Variants in WWOX observed in about 807,000 individuals in gnomAD.
The protein encoded by WWOX is WW domain-containing oxidoreductase.
A neutral mutation model predicts 46.2 loss-of-function variants in WWOX; 69 were observed. The ratio of observed to expected loss-of-function variants is 1.49; its 90% CI spans 1.23 to 1.82. The LOEUF is 1.82. Ranked by LOEUF, WWOX falls within the 40% of genes most tolerant of loss-of-function variation. WWOX has a pLI of 0.00. For synonymous variants in WWOX, 359 were observed against 202.6 expected (o/e 1.77, Z -6.56); for missense variants, 919 against 542.6 (o/e 1.69, Z -6.89).
chr16:78,402,298 C>T (rs150148334), intron 6 of WWOX, among the ~76,000 whole-genome samples: 1,545 of 152,108 alleles, frequency 0.01, 16 homozygotes, highest in African/African-American at 0.027. Flanking sequence ...TATGTTATTG[C>T]AAAAATCAGT....
At chr16:78,391,919 C>G (rs2082181508) in intron 6 of WWOX, among the ~76,000 whole-genome samples, 1 of 151,954 alleles carries the variant, frequency 6.6e-6, no homozygotes, top group Non-Finnish European at 1.5e-5. Context: ...TCCTCCCTCC[C>G]TCTTTCTCAT....
intron 8 of WWOX, among the ~76,000 whole-genome samples, chr16:78,937,284 C>A (rs905015241): frequency 6.6e-6 from 1 of 151,970 alleles, no homozygotes; most frequent in African/African-American, 2.4e-5. Context: ...AACTGTTTAC[C>A]CTGATTCTCC....
At chr16:78,738,923 A>G (rs552311667) in intron 8 of WWOX, among the ~76,000 whole-genome samples, 81 of 152,252 alleles carry the variant, frequency 5.3e-4, no homozygotes, top group African/African-American at 1.9e-3. Flanking sequence ...ATTTGCCTTC[A>G]TTGCTGGGGT....
At chr16:79,109,065 G>T (rs548847280) in intron 8 of WWOX, among the ~76,000 whole-genome samples, 91 of 152,126 alleles carry the variant, frequency 6.0e-4, no homozygotes, top group African/African-American at 1.6e-3. Flanking sequence ...CTTTGTGTCC[G>T]TGAGCATGTG....
At chr16:78,324,918 G>T (rs541276342) in intron 5 of WWOX, among the ~76,000 whole-genome samples, 8 of 152,292 alleles carry the variant, frequency 5.3e-5, no homozygotes, top group Middle Eastern at 3.4e-3. Context: ...GAATCGTATG[G>T]TATGTCAATT....
At chr16:78,257,613 A>G (rs560313774) in intron 5 of WWOX, among the ~76,000 whole-genome samples, 1 of 152,264 alleles carries the variant, frequency 6.6e-6, no homozygotes, top group Admixed American at 6.5e-5. Flanking sequence ...CGCAATTAAA[A>G]CCAAGGAATG....
At chr16:79,176,185 C>T (rs927983616) in intron 8 of WWOX, among the ~76,000 whole-genome samples, 2 of 152,158 alleles carry the variant, frequency 1.3e-5, no homozygotes, top group East Asian at 3.9e-4. Flanking sequence ...ATAGCTGAAA[C>T]CCCCAAAGGG....
intron 8 of WWOX, among the ~76,000 whole-genome samples, chr16:78,734,115 C>T (rs1007324569): frequency 2.0e-5 from 3 of 151,612 alleles, no homozygotes; most frequent in African/African-American, 7.3e-5. Context: ...TCTATTCATA[C>T]ACACACGTAA....
Position 78,318,272 on chromosome 16 carries a change from A to ATTTT in WWOX, c.517-68574_517-68571dup, listed in dbSNP as rs34730954. Among the ~76,000 whole-genome samples, 802 of 123,548 alleles carry ATTTT rather than the reference A, an allele frequency of 6.5e-3. 11 individuals are homozygous for ATTTT. Among genetic ancestry groups the ATTTT allele is most frequent in the African/African-American group, 0.023 (728 of 31,230 alleles). 81.1% of individuals were successfully genotyped at this position (123,548 alleles called of 152,430 possible). ...CTTAGGAGCCCTCCGTCTGGGAGGA[A>ATTTT]TTTTTTTTTTTTTTTTTGGTATATC... On this transcript the variant is annotated intron_variant, in intron 5 of 8. Coordinates refer to ENST00000566780, the MANE Select transcript of WWOX (RefSeq NM_016373.4).
At chr16:78,608,827 C>A (rs2045828493) in intron 8 of WWOX, among the ~76,000 whole-genome samples, 1 of 152,126 alleles carries the variant, frequency 6.6e-6, no homozygotes, top group Admixed American at 6.5e-5. Context: ...TTTATTTTTT[C>A]TAGCCTTTAT....
At chr16:78,512,657 C>A (rs1341367205) in intron 8 of WWOX, among the ~76,000 whole-genome samples, 1 of 152,158 alleles carries the variant, frequency 6.6e-6, no homozygotes, top group Non-Finnish European at 1.5e-5. Context: ...CTGGGTGGGA[C>A]TTCAATGAGA....
chr16:78,977,781 G>A (rs2046602666), intron 8 of WWOX, among the ~76,000 whole-genome samples: 1 of 152,042 alleles, frequency 6.6e-6, no homozygotes. Flanking sequence ...TCCCAAACAT[G>A]CACTCCCATC....
At chr16:78,284,804 T>G (rs532060102) in intron 5 of WWOX, among the ~76,000 whole-genome samples, 162 of 152,366 alleles carry the variant, frequency 1.1e-3, no homozygotes, top group African/African-American at 3.8e-3. Context: ...TTACAAAGCT[T>G]GGTCCTAACA....
rs561358329 is a variant in WWOX at position 78,407,342 on chromosome 16, G to A, written c.606-17528G>A. ...AGATGGTGTGACATTCTGCTTCCAG[G>A]AGGGATTGGAAAGTATTTCCTTTTA... On this transcript the variant is annotated intron_variant, in intron 6 of 8. Transcript: ENST00000566780. Among the ~76,000 whole-genome samples the A allele has an allele frequency of 2.6e-5, 4 of 152,260 alleles. No individual in the cohort carries two copies. The South Asian group carries it at 6.2e-4, about 24-fold the overall frequency.
rs569519018 is a variant in WWOX at position 78,980,707 on chromosome 16, C to T, written c.1057-230901C>T. The stretch of plus-strand genomic sequence containing the variant: ...CAGAACTTTGACCTTGAAAGGGGAC[C>T]CGGATCAGCTCCATTCTCCCAAGGA... On this transcript the variant is annotated intron_variant, in intron 8 of 8. Transcript: ENST00000566780. Among the ~76,000 whole-genome samples the T allele has an allele frequency of 5.9e-5, 9 of 152,238 alleles. No homozygotes were observed. In the South Asian group the frequency reaches 1.7e-3, roughly 28 times the overall value.
At chr16:78,292,092 A>G (rs1778426340) in intron 5 of WWOX, among the ~76,000 whole-genome samples, 2 of 143,244 alleles carry the variant, frequency 1.4e-5, no homozygotes, top group Non-Finnish European at 3.0e-5. Context: ...CCCTTGAGAC[A>G]GTGTCATTCT....
chr16:78,720,902 G>A (rs57066316), intron 8 of WWOX, among the ~76,000 whole-genome samples: 3 of 152,170 alleles, frequency 2.0e-5, no homozygotes, highest in South Asian at 2.1e-4. Flanking sequence ...TAAAAGATAA[G>A]TTCCTCCCCC....
rs533217317 is a variant in WWOX at position 79,041,951 on chromosome 16, G to A, written c.1057-169657G>A. Among the ~76,000 whole-genome samples, 488 of 152,098 alleles carry A rather than the reference G, an allele frequency of 3.2e-3. 3 individuals carry two copies. Among genetic ancestry groups the A allele is most frequent in the Non-Finnish European group, 5.2e-3 (353 of 67,994 alleles). On this transcript the variant is annotated intron_variant, in intron 8 of 8. Transcript: ENST00000566780. ...TAAGAGTCTTGGTGGTTTCTTGTGT[G>A]GAAATGAATGGGAAGTTCACCCTGG...
At position 78,949,851 on chromosome 16, in the gene WWOX, T is replaced by G. The variant is rs561436813; in HGVS notation, c.1057-261757T>G. Among the ~76,000 whole-genome samples the G allele has an allele frequency of 3.9e-5, 6 of 152,340 alleles. No individual in the cohort carries two copies. In the East Asian group the frequency reaches 1.2e-3, roughly 29 times the overall value. ...GTAGATTCTGACATGTCACTCCACA[T>G]CTTTGTAACTTTTTATGGCTCTCAG... is the stretch of plus-strand genomic sequence containing the variant. On this transcript the variant is annotated intron_variant, in intron 8 of 8. Coordinates refer to ENST00000566780, the MANE Select transcript of WWOX (RefSeq NM_016373.4).
Sources: gnomAD v4.1 joint callset for allele counts (sites outside exome capture counted in the v4.1 genomes callset) on GRCh38, gnomAD v4.1.1 for gene constraint, MANE v1.5 for transcripts, NCBI Gene and HGNC (gene_info 2026-07-23, HGNC 2026-07-21) for gene names.